PCDHGA9: variants seen among roughly 807,000 people sequenced by gnomAD.
PCDHGA9 encodes protocadherin gamma-A9.
PCDHGA9 carries 37 observed loss-of-function variants against 62.5 expected under a neutral mutation model. The observed-to-expected ratio is 0.59, with a 90% CI of 0.46 to 0.78. The LOEUF (loss-of-function observed/expected upper bound fraction) is 0.78, where lower values mean the gene tolerates loss of function less well. Among genes scored for constraint, PCDHGA9 ranks in the 30% least tolerant of loss-of-function variants. The pLI is 0.00. For synonymous variants in PCDHGA9, 459 were observed against 484.6 expected (o/e 0.95, Z 0.69); for missense variants, 1,138 against 1,166.2 (o/e 0.98, Z 0.35).
chr5:141,496,225 G>C (rs112222482), intron 2 of PCDHGA9, among the ~76,000 whole-genome samples: 178 of 152,276 alleles, frequency 1.2e-3, no homozygotes, highest in Non-Finnish European at 1.8e-3. Context: ...TGCTGAGACA[G>C]GAACCCCCTG....
rs542113846 is a variant in PCDHGA9 at position 141,433,037 on chromosome 5, A to G, written c.2424+27661A>G. ...GACCTATTCCCACGAGGTTTCCCTCACCACGGACTCGCGGAAGAGTCACCT... is the reference window on the plus strand; with the variant it reads ...GACCTATTCCCACGAGGTTTCCCTCGCCACGGACTCGCGGAAGAGTCACCT... On this transcript the variant is annotated intron_variant, in intron 1 of 3. Coordinates refer to ENST00000573521, the MANE Select transcript of PCDHGA9 (RefSeq NM_018921.3). 249 of 1,614,172 alleles carry G rather than the reference A, an allele frequency of 1.5e-4. 6 individuals are homozygous for G. The South Asian group carries it at 2.5e-3, about 16-fold the overall frequency.
chr5:141,447,225 C>T (rs966197293), intron 1 of PCDHGA9, among the ~76,000 whole-genome samples: 9 of 151,960 alleles, frequency 5.9e-5, no homozygotes, highest in African/African-American at 7.3e-5. Flanking sequence ...CTGCAACCTC[C>T]GCCTCCCGGG....
In PCDHGA9 at chr5:141,476,327, G is replaced by A. The variant is rs2099389169; in HGVS notation, c.2425-18480G>A. The A allele has an allele frequency of 1.2e-6, 2 of 1,614,192 alleles. No individual in the cohort carries two copies. Among genetic ancestry groups the A allele is most frequent in the African/African-American group, 1.3e-5 (1 of 75,046 alleles). On this transcript the variant is annotated intron_variant, in intron 1 of 3. Transcript: ENST00000573521. The surrounding 1 kb of genome is among the most constrained non-coding windows in gnomAD (Gnocchi z 7.6). ...AGCCCGCAGGTTCCGGGTGGTGTCT[G>A]GAGCTAGCCGAAGATTCTTTGAGGT...
intron 1 of PCDHGA9, chr5:141,428,064 G>A: frequency 6.2e-7 from 1 of 1,609,060 alleles, no homozygotes; most frequent in East Asian, 2.2e-5. Flanking sequence ...GGCGGTGGAC[G>A]CAGATTCGGG....
intron 1 of PCDHGA9, among the ~76,000 whole-genome samples, chr5:141,425,689 A>C (rs887583603): frequency 6.6e-6 from 1 of 152,232 alleles, no homozygotes; most frequent in African/African-American, 2.4e-5. Flanking sequence ...ACTGCATATC[A>C]TTTCATAGTG....
chr5:141,471,408 T>C (rs951728688), intron 1 of PCDHGA9: 1 of 152,166 alleles, frequency 6.6e-6, no homozygotes, highest in Non-Finnish European at 1.5e-5. Flanking sequence ...CTAGGCTTAG[T>C]TATGTTTTTA....
At chr5:141,449,933 G>A (rs1012332454) in intron 1 of PCDHGA9, among the ~76,000 whole-genome samples, 1 of 149,752 alleles carries the variant, frequency 6.7e-6, no homozygotes, top group African/African-American at 2.5e-5. Flanking sequence ...ATACCTTATA[G>A]TATATTTTAC....
In PCDHGA9 at chr5:141,489,661, C is replaced by T. The variant is rs756803543; in HGVS notation, c.2425-5146C>T. 36 of 1,614,146 alleles carry T rather than the reference C, an allele frequency of 2.2e-5. 1 individual carries two copies. Among genetic ancestry groups the T allele is most frequent in the South Asian group, 5.5e-5 (5 of 91,090 alleles). ...CTTTGCCACCCCTGAGCGAGAGATG[C>T]GCATCTCAGAATCAGCAGCATCTGG... On this transcript the variant is annotated intron_variant, in intron 1 of 3. Coordinates refer to ENST00000573521, the MANE Select transcript of PCDHGA9 (RefSeq NM_018921.3). The surrounding 1 kb of genome is among the most constrained non-coding windows in gnomAD (Gnocchi z 4.5).
rs1345498022 is a variant in PCDHGA9 at position 141,493,312 on chromosome 5, A to G, written c.2425-1495A>G. On this transcript the variant is annotated intron_variant, in intron 1 of 3. Coordinates refer to ENST00000573521, the MANE Select transcript of PCDHGA9 (RefSeq NM_018921.3). This position sits in a 1 kb window ranked among gnomAD's most constrained non-coding sequence, Gnocchi z 4.3. ...CTCAAGTTCACAGAGCAAGTAAGAG[A>G]GATTCTAACCCCTGTCTAACTCCAG... 6.6e-6 allele frequency among the ~76,000 whole-genome samples: 1 copy of G among 152,174 alleles called. No individual in the cohort carries two copies. Among genetic ancestry groups the G allele is most frequent in the Non-Finnish European group, 1.5e-5 (1 of 68,028 alleles).
At chr5:141,409,172 G>A in intron 1 of PCDHGA9, 8 of 1,614,006 alleles carry the variant, frequency 5.0e-6, no homozygotes, top group Non-Finnish European at 6.8e-6. Context: ...AGCGAAGGAC[G>A]GAGGTGGTCT....
At chr5:141,413,124 AAC>A in intron 1 of PCDHGA9, 2 of 1,528,020 alleles carry the variant, frequency 1.3e-6, no homozygotes, top group Non-Finnish European at 1.8e-6. Flanking sequence ...AACCGGTTGA[AAC>A]ACACAACGTG....
rs765634746 is a variant in PCDHGA9 at position 141,418,621 on chromosome 5, C to A, written c.2424+13245C>A. On this transcript the variant is annotated intron_variant, in intron 1 of 3. Transcript: ENST00000573521. Reference sequence around the variant, plus strand: ...TGTACAGGGTTAGCCTTCGGGAAGACGTGCCTCCAGGCACCTCCATCCTGA... The same window carrying A: ...TGTACAGGGTTAGCCTTCGGGAAGAAGTGCCTCCAGGCACCTCCATCCTGA... 8 of 1,614,034 alleles carry A rather than the reference C, an allele frequency of 5.0e-6. No individual in the cohort carries two copies. The East Asian group carries it at 1.8e-4, about 36-fold the overall frequency.
chr5:141,409,156 A>G (rs771600341), intron 1 of PCDHGA9: 1 of 1,613,986 alleles, frequency 6.2e-7, no homozygotes, highest in Non-Finnish European at 8.5e-7. Flanking sequence ...ACACCATGGA[A>G]GTGGAAGCGA....
rs1310725827 is a variant in PCDHGA9, at chr5:141,500,934, T to C, written c.2484-4459T>C. The stretch of plus-strand genomic sequence containing the variant: ...TCCAGGCTGGGGTGCAGTGGCGCCA[T>C]CTCGGCTCACTGCAAGCTCCACCTC... On this transcript the variant is annotated intron_variant, in intron 2 of 3. Transcript: ENST00000573521. 5.9e-5 allele frequency among the ~76,000 whole-genome samples: 9 copies of C among 151,906 alleles called. 1 individual carries two copies. Among genetic ancestry groups the C allele is most frequent in the Non-Finnish European group, 1.3e-4 (9 of 68,020 alleles).
At chr5:141,421,119 C>T (rs542039688) in intron 1 of PCDHGA9, 1 of 772,768 alleles carries the variant, frequency 1.3e-6, no homozygotes, top group Non-Finnish European at 2.0e-6. Flanking sequence ...TATTTTCCTT[C>T]GCTTTCTGAT....
intron 1 of PCDHGA9, among the ~76,000 whole-genome samples, chr5:141,406,035 T>C (rs989362338): frequency 4.6e-5 from 7 of 151,898 alleles, no homozygotes; most frequent in Non-Finnish European, 1.0e-4. Flanking sequence ...GGTTGCTTCA[T>C]TGGTTGCAGT....
intron 1 of PCDHGA9, chr5:141,427,201 A>G (rs1272966114): frequency 4.4e-6 from 2 of 456,618 alleles, no homozygotes; most frequent in African/African-American, 4.0e-5. Flanking sequence ...GACTTAATAG[A>G]CTTCGAATTT....
rs1195194477 is a variant in PCDHGA9, at chr5:141,432,620, C to G, written c.2424+27244C>G. On this transcript the variant is annotated intron_variant, in intron 1 of 3. Transcript: ENST00000573521. The surrounding 1 kb of genome is among the most constrained non-coding windows in gnomAD (Gnocchi z 6.0). ...CGAGCCGGGACTCTTCTCGGTGGGTCTGCACACGGGCGAGGTGCGCACGGC... is the reference window on the plus strand; with the variant it reads ...CGAGCCGGGACTCTTCTCGGTGGGTGTGCACACGGGCGAGGTGCGCACGGC... 6 of 1,613,190 alleles carry G rather than the reference C, an allele frequency of 3.7e-6. No individual in the cohort carries two copies. Among genetic ancestry groups the G allele is most frequent in the Admixed American group, 1.7e-5 (1 of 59,978 alleles).
At position 141,485,240 on chromosome 5, in the gene PCDHGA9, C is replaced by G; in HGVS notation, c.2425-9567C>G. On this transcript the variant is annotated intron_variant, in intron 1 of 3. Coordinates refer to ENST00000573521, the MANE Select transcript of PCDHGA9 (RefSeq NM_018921.3). This position sits in a 1 kb window ranked among gnomAD's most constrained non-coding sequence, Gnocchi z 5.7. The stretch of plus-strand genomic sequence containing the variant: ...GGCTACCCTTTTGTTCCTCTTTTAC[C>G]ACCTGGGTTACGTTTGTGGGCAGAT... The G allele has an allele frequency of 6.2e-7, 1 of 1,614,174 alleles. No individual in the cohort carries two copies. The highest frequency in any genetic ancestry group is 8.5e-7 in the Non-Finnish European group (1 of 1,180,024).
Sources: gnomAD v4.1 joint callset for allele counts (sites outside exome capture counted in the v4.1 genomes callset) on GRCh38, gnomAD v4.1.1 for gene constraint, Gnocchi (gnomAD v3.1) non-coding constraint, MANE v1.5 for transcripts, NCBI Gene and HGNC (gene_info 2026-07-23, HGNC 2026-07-21) for gene names.